MAF: variants seen among roughly 807,000 people sequenced by gnomAD.
The protein encoded by MAF is MAF bZIP transcription factor, also known as transcription factor Maf.
A neutral mutation model predicts 22.0 loss-of-function variants in MAF; 10 were observed. That is an observed-to-expected ratio of 0.45 (90% confidence interval 0.28 to 0.77). The LOEUF (loss-of-function observed/expected upper bound fraction) is 0.77, where lower values mean the gene tolerates loss of function less well. MAF is among the 30% of genes least tolerant of loss of function. The probability of loss-of-function intolerance (pLI) is 0.12; values close to 1 mark genes in which losing one functional copy is unlikely to be tolerated. For missense variants in MAF, 544 were observed against 548.4 expected (o/e 0.99, Z 0.08); for synonymous variants, 337 against 255.8 (o/e 1.32, Z -3.03).
chr16:79,410,191 G>A, the MAF span, among the ~76,000 whole-genome samples: 6 of 152,176 alleles, frequency 3.9e-5, no homozygotes, highest in South Asian at 2.1e-4. Flanking sequence ...CCTCACTTCC[G>A]ATTTCTGTAC....
the MAF span, among the ~76,000 whole-genome samples, chr16:79,334,050 AAC>A: frequency 6.6e-6 from 1 of 152,240 alleles, no homozygotes; most frequent in Non-Finnish European, 1.5e-5. Flanking sequence ...ATATGAAACA[AAC>A]ACAGATAGGA....
Position 79,593,861 on chromosome 16 carries a change from T to C in MAF, c.*599A>G, listed in dbSNP as rs1374302362. 3.2e-5 allele frequency: 6 copies of C among 184,846 alleles called. No individual in the cohort carries two copies. Among genetic ancestry groups the C allele is most frequent in the Non-Finnish European group, 6.9e-5 (6 of 87,154 alleles). The allele number at this position is 184,846 out of a possible 1,614,324, so 11.5% of individuals were successfully genotyped here. On this transcript the variant is annotated 3_prime_UTR_variant, in exon 2 of 2. Coordinates refer to ENST00000326043, the MANE Select transcript of MAF (RefSeq NM_005360.5). ...TGTGTATTTAACTAACTTTGTATTT[T>C]GCCACACATTGTTTTCATTTACAGC...
chr16:79,296,869 G>C, the MAF span, among the ~76,000 whole-genome samples: 9 of 152,298 alleles, frequency 5.9e-5, no homozygotes, highest in East Asian at 1.7e-3. Context: ...GTTTTTCTGA[G>C]CTTGTCGTTC....
the MAF span, among the ~76,000 whole-genome samples, chr16:79,327,328 A>G: frequency 4.6e-5 from 7 of 152,028 alleles, no homozygotes; most frequent in Non-Finnish European, 7.4e-5. Context: ...TTCTCTCACA[A>G]TGACATTTAT....
At chr16:79,305,769 G>A in the MAF span, among the ~76,000 whole-genome samples, 1 of 152,204 alleles carries the variant, frequency 6.6e-6, no homozygotes, top group Admixed American at 6.5e-5. Flanking sequence ...AAGGTCAATG[G>A]GGGATGCACA....
At chr16:79,277,651 A>G in the MAF span, among the ~76,000 whole-genome samples, 1 of 152,162 alleles carries the variant, frequency 6.6e-6, no homozygotes, top group African/African-American at 2.4e-5. Context: ...TGGCTTTAGG[A>G]ATTGTACAGA....
chr16:79,327,916 C>G, the MAF span, among the ~76,000 whole-genome samples: 3,265 of 152,296 alleles, frequency 0.021, 116 homozygotes, highest in African/African-American at 0.075. Flanking sequence ...GCCAGAAAAT[C>G]CTGCTAGGTG....
At chr16:79,505,267 T>C in the MAF span, among the ~76,000 whole-genome samples, 1 of 152,218 alleles carries the variant, frequency 6.6e-6, no homozygotes, top group Non-Finnish European at 1.5e-5. Context: ...CTGGAAATCC[T>C]GATTATGGAT....
intron 1 of MAF, among the ~76,000 whole-genome samples, chr16:79,586,903 C>G (rs1912878222): frequency 6.6e-6 from 1 of 152,208 alleles, no homozygotes; most frequent in Non-Finnish European, 1.5e-5. Flanking sequence ...CAATCTAATT[C>G]TTTTTCCAAC....
chr16:79,471,345 A>T, the MAF span, among the ~76,000 whole-genome samples: 1 of 152,320 alleles, frequency 6.6e-6, no homozygotes, highest in Non-Finnish European at 1.5e-5. Flanking sequence ...TTATTTTTTC[A>T]CACTTTCCAG....
At chr16:79,219,738 T>A in the MAF span, among the ~76,000 whole-genome samples, 342 of 152,198 alleles carry the variant, frequency 2.2e-3, 2 homozygotes, top group African/African-American at 7.9e-3. Context: ...TCACTCTGCG[T>A]CTGTGATCTC....
the MAF span, among the ~76,000 whole-genome samples, chr16:79,245,902 C>T: frequency 0.12 from 18,445 of 151,958 alleles, 1,507 homozygotes; most frequent in Middle Eastern, 0.2. Flanking sequence ...TTCATGTTTT[C>T]TGCAGGGACA....
the MAF span, chr16:79,205,178 C>T: frequency 1.3e-5 from 2 of 152,388 alleles, no homozygotes; most frequent in South Asian, 4.1e-4. Flanking sequence ...GCATGCGTTT[C>T]TCTCAAGGTG....
chr16:79,252,868 C>T, the MAF span, among the ~76,000 whole-genome samples: 1 of 152,114 alleles, frequency 6.6e-6, no homozygotes, highest in Non-Finnish European at 1.5e-5. Context: ...GCCTCAGTTC[C>T]CTAATTGTGA....
chr16:79,485,488 T>G, the MAF span, among the ~76,000 whole-genome samples: 1 of 152,234 alleles, frequency 6.6e-6, no homozygotes, highest in Non-Finnish European at 1.5e-5. Flanking sequence ...AGCTGAGTTT[T>G]ATCATTCTGA....
the MAF span, among the ~76,000 whole-genome samples, chr16:79,362,542 C>G: frequency 6.6e-6 from 1 of 152,172 alleles, no homozygotes; most frequent in East Asian, 1.9e-4. Flanking sequence ...AAATAGTCCT[C>G]TCATGAGGAA....
the MAF span, among the ~76,000 whole-genome samples, chr16:79,503,321 C>A: frequency 6.6e-6 from 1 of 152,132 alleles, no homozygotes; most frequent in Non-Finnish European, 1.5e-5. Flanking sequence ...ATACTAGCCA[C>A]AACCACAAAG....
the MAF span, among the ~76,000 whole-genome samples, chr16:79,298,174 T>A: frequency 4.4e-4 from 67 of 152,336 alleles, no homozygotes; most frequent in Non-Finnish European, 8.2e-4. Context: ...TGTGTTTGCA[T>A]AACATTCCAG....
At chr16:79,284,106 AG>A in the MAF span, among the ~76,000 whole-genome samples, 1 of 152,190 alleles carries the variant, frequency 6.6e-6, no homozygotes, top group Admixed American at 6.5e-5. Flanking sequence ...TATTTGTGCT[AG>A]AAATTGCTGG....
Sources: allele counts gnomAD v4.1 joint callset (sites outside exome capture counted in the v4.1 genomes callset), GRCh38; gene constraint gnomAD v4.1.1; transcripts MANE v1.5; gene names NCBI Gene and HGNC (gene_info 2026-07-23, HGNC 2026-07-21).